Variants in MYO1H observed in about 807,000 individuals in gnomAD.
The protein encoded by MYO1H is myosin IH.
MYO1H carries 118 observed loss-of-function variants against 149.3 expected under a neutral mutation model. The ratio of observed to expected loss-of-function variants is 0.79; its 90% CI spans 0.68 to 0.92. The LOEUF is 0.92. MYO1H is among the 40% of genes least tolerant of loss of function. MYO1H has a pLI of 0.00. For synonymous variants in MYO1H, 447 were observed against 465.2 expected (o/e 0.96, Z 0.50); for missense variants, 1,212 against 1,280.7 (o/e 0.95, Z 0.82).
chr12:109,318,853 G>A, the MYO1H span, among the ~76,000 whole-genome samples: 1 of 151,968 alleles, frequency 6.6e-6, no homozygotes, highest in Non-Finnish European at 1.5e-5. Flanking sequence ...ATAGGAATGT[G>A]CCAAAGTGGA....
intron 6 of MYO1H, among the ~76,000 whole-genome samples, chr12:109,402,815 G>T (rs1870221498): frequency 6.6e-6 from 1 of 152,128 alleles, no homozygotes; most frequent in South Asian, 2.1e-4. Context: ...ACCAGAAAGG[G>T]TCAATTTGTA....
At chr12:109,312,183 A>C in the MYO1H span, among the ~76,000 whole-genome samples, 1 of 150,944 alleles carries the variant, frequency 6.6e-6, no homozygotes, top group Admixed American at 6.6e-5. Context: ...AGCAGGTTTT[A>C]TTTGATCAAG....
At chr12:109,440,779 C>G in exon 25 of MYO1H, 1 of 1,566,320 alleles carries the variant, frequency 6.4e-7, no homozygotes, top group Non-Finnish European at 8.7e-7. Context: ...GCGTGAGGAA[C>G]CTGGTGCAGA....
chr12:109,388,903 C>T (rs192952338), intron 2 of MYO1H, 59 bp downstream of exon 2: 7 of 1,538,452 alleles, frequency 4.6e-6, no homozygotes, highest in East Asian at 4.5e-5. Flanking sequence ...CTTGCCTTCA[C>T]GACTTTGATG....
At chr12:109,394,979 C>T (rs1869828103) in intron 3 of MYO1H, among the ~76,000 whole-genome samples, 1 of 152,164 alleles carries the variant, frequency 6.6e-6, no homozygotes, top group Non-Finnish European at 1.5e-5. Flanking sequence ...CCATGCTGGT[C>T]TCGAACTCCT....
At chr12:109,389,748 T>G (rs1264799663) in intron 2 of MYO1H, among the ~76,000 whole-genome samples, 1 of 152,350 alleles carries the variant, frequency 6.6e-6, no homozygotes, top group East Asian at 1.9e-4. Flanking sequence ...TAAAATTATT[T>G]AATTTTTTGA....
intron 10 of MYO1H, among the ~76,000 whole-genome samples, chr12:109,409,079 C>G (rs1259036013): frequency 6.6e-6 from 1 of 152,146 alleles, no homozygotes; most frequent in Non-Finnish European, 1.5e-5. Flanking sequence ...GCGTGAGCCA[C>G]CACGCCTGGC....
At chr12:109,348,046 A>G (rs1468282855) in intron 1 of MYO1H, 74 bp downstream of exon 1, 4 of 399,054 alleles carry the variant, frequency 1.0e-5, no homozygotes, top group Non-Finnish European at 1.8e-5. Context: ...CCAAATGGCT[A>G]TAATGCTGGG....
Position 109,418,592 on chromosome 12 carries a change from A to G in MYO1H, c.1598-2389A>G, listed in dbSNP as rs1057323556. Among the ~76,000 whole-genome samples the G allele has an allele frequency of 3.9e-5, 6 of 151,978 alleles. No individual in the cohort carries two copies. In the South Asian group the frequency reaches 1.2e-3, roughly 32 times the overall value. ...TTAGACGGAGTCTCGCCTGTGGCCC[A>G]GGCTGGAGTGCAGTGGCAAGATCTC... On this transcript the variant is annotated intron_variant, in intron 15 of 31. Transcript: ENST00000310903.
intron 16 of MYO1H, among the ~76,000 whole-genome samples, chr12:109,423,653 T>A (rs984706810): frequency 6.6e-6 from 1 of 152,198 alleles, no homozygotes; most frequent in African/African-American, 2.4e-5. Flanking sequence ...ACTTCAGTCC[T>A]CTAGGGACCT....
Position 109,423,497 on chromosome 12 carries a change from T to C in MYO1H, c.1645-1251T>C, listed in dbSNP as rs1353539755. Among the ~76,000 whole-genome samples the C allele has an allele frequency of 2.6e-5, 4 of 152,218 alleles. 1 individual carries two copies. The highest frequency in any genetic ancestry group is 1.3e-4 in the Admixed American group (2 of 15,280). On this transcript the variant is annotated intron_variant, in intron 16 of 31. Transcript: ENST00000310903. ...CATTTTAAAGTGTACAGTTCAATAG[T>C]GTTGAGTAGATTTACATGGTTGCGC... is the stretch of plus-strand genomic sequence containing the variant.
the MYO1H span, among the ~76,000 whole-genome samples, chr12:109,318,972 G>C: frequency 1.3e-5 from 1 of 77,258 alleles, no homozygotes; most frequent in Non-Finnish European, 2.5e-5. Context: ...TTTTGGTTTT[G>C]TTTTTTTTTT....
At chr12:109,400,124 AGTT>A (rs1870099214) in intron 5 of MYO1H, among the ~76,000 whole-genome samples, 1 of 152,202 alleles carries the variant, frequency 6.6e-6, no homozygotes, top group African/African-American at 2.4e-5. Context: ...TGCATGTAGC[AGTT>A]GTTCACTTTT....
chr12:109,320,116 C>A, the MYO1H span, among the ~76,000 whole-genome samples: 12,556 of 151,934 alleles, frequency 0.083, 677 homozygotes, highest in African/African-American at 0.14. Flanking sequence ...GAGTTTGAGA[C>A]CAGCCTGGGC....
chr12:109,354,618 T>TTAC (rs558745249), intron 1 of MYO1H, among the ~76,000 whole-genome samples: 1 of 119,416 alleles, frequency 8.4e-6, no homozygotes, highest in Non-Finnish European at 1.7e-5. Context: ...AGACTCTGTC[T>TTAC]AAAAAAAAAA....
At chr12:109,411,160 T>TA (rs1016559973) in intron 13 of MYO1H, among the ~76,000 whole-genome samples, 9 of 150,874 alleles carry the variant, frequency 6.0e-5, no homozygotes, top group South Asian at 2.1e-4. Context: ...AAAATAAAAA[T>TA]AAAAAAAGGG....
At chr12:109,444,887 A>T (rs1376420485) in intron 30 of MYO1H, among the ~76,000 whole-genome samples, 1 of 151,742 alleles carries the variant, frequency 6.6e-6, no homozygotes, top group African/African-American at 2.4e-5. Context: ...AAAAAATTAC[A>T]GATCGGGGAA....
In MYO1H at chr12:109,410,695, C is replaced by T. The variant is rs372270776; in HGVS notation, c.1337C>T (p.Pro446Leu). The T allele has an allele frequency of 2.4e-5, 38 of 1,595,398 alleles. No homozygotes were observed. In the African/African-American group the frequency reaches 4.8e-4, roughly 20 times the overall value. The change falls in exon 13 of 32, where the codon CCA (proline) becomes CTA (leucine). Residue 446 changes from proline (P) to leucine (L), a missense_variant. Physicochemically the swap from Pro to Leu is moderately conservative, Grantham distance 98. Transcript: ENST00000310903. ...TCCTCTTTGTCATTTTAGTGGGAGC[C>T]AATTAAATATTTCAACAACAAGATC...
the MYO1H span, among the ~76,000 whole-genome samples, chr12:109,321,779 A>G: frequency 1.3e-5 from 2 of 152,256 alleles, no homozygotes; most frequent in African/African-American, 4.8e-5. Context: ...CAGCCTGATA[A>G]TACCACCTAA....
Sources: gnomAD v4.1 joint callset for allele counts (sites outside exome capture counted in the v4.1 genomes callset) on GRCh38, gnomAD v4.1.1 for gene constraint, MANE v1.5 for transcripts, NCBI Gene and HGNC (gene_info 2026-07-23, HGNC 2026-07-21) for gene names.